Variants in TEX15 observed in about 807,000 individuals in gnomAD.
The protein encoded by TEX15 is testis-expressed protein 15.
TEX15 carries 171 observed loss-of-function variants against 237.3 expected under a neutral mutation model. The ratio of observed to expected loss-of-function variants is 0.72; its 90% CI spans 0.64 to 0.82. TEX15 has a LOEUF of 0.82. Ranked by LOEUF, TEX15 falls within the 40% of genes least tolerant of loss-of-function variation. The pLI, the probability that TEX15 is intolerant of heterozygous loss-of-function variation, is 0.00. For missense variants in TEX15, 3,750 were observed against 3,646.5 expected (o/e 1.03, Z -0.73); for synonymous variants, 1,338 against 1,269.8 (o/e 1.05, Z -1.14).
At chr8:30,907,066 G>C (rs1223150210) in intron 1 of TEX15, among the ~76,000 whole-genome samples, 2 of 152,090 alleles carry the variant, frequency 1.3e-5, no homozygotes, top group African/African-American at 4.8e-5. Flanking sequence ...TAAACTCAAA[G>C]AGTTTATAGA....
chr8:30,908,426 T>C (rs1240692572), intron 1 of TEX15, among the ~76,000 whole-genome samples: 1 of 152,240 alleles, frequency 6.6e-6, no homozygotes, highest in Non-Finnish European at 1.5e-5. Context: ...TTTTCATCTA[T>C]GTATATCGAG....
At chr8:30,860,695 C>T (rs1808030024) in intron 5 of TEX15, among the ~76,000 whole-genome samples, 2 of 151,228 alleles carry the variant, frequency 1.3e-5, no homozygotes, top group Admixed American at 1.3e-4. Flanking sequence ...TCCTGAATGG[C>T]TGGGATTACA....
At chr8:30,888,467 C>G (rs765883787) in intron 2 of TEX15, among the ~76,000 whole-genome samples, 8 of 151,972 alleles carry the variant, frequency 5.3e-5, no homozygotes, top group Non-Finnish European at 1.2e-4. Context: ...AATATTCCTC[C>G]CCTTCCTTTT....
At chr8:30,860,095 T>C in intron 5 of TEX15, 38 bp from the exon 6 acceptor site, 1 of 1,408,326 alleles carries the variant, frequency 7.1e-7, no homozygotes, top group Non-Finnish European at 9.3e-7. Flanking sequence ...TACGTAAAAA[T>C]ATACCAAAAC....
At chr8:30,900,626 T>C (rs375077352) in intron 1 of TEX15, among the ~76,000 whole-genome samples, 7 of 152,190 alleles carry the variant, frequency 4.6e-5, no homozygotes, top group Middle Eastern at 3.2e-3. Flanking sequence ...ATGTTACCAA[T>C]TGTCTTAATT....
At chr8:30,863,983 C>T (rs1808104699) in intron 5 of TEX15, among the ~76,000 whole-genome samples, 1 of 151,622 alleles carries the variant, frequency 6.6e-6, no homozygotes, top group Admixed American at 6.6e-5. Flanking sequence ...GAAATTGTCC[C>T]TGAAAAAGAC....
chr8:30,892,192 T>C (rs1585312257), intron 2 of TEX15, among the ~76,000 whole-genome samples: 1 of 152,226 alleles, frequency 6.6e-6, no homozygotes. Context: ...TGGTAAAAAA[T>C]AAAGGTTTGA....
At chr8:30,880,844 A>G (rs1273558304) in intron 3 of TEX15, among the ~76,000 whole-genome samples, 3 of 152,060 alleles carry the variant, frequency 2.0e-5, no homozygotes, top group African/African-American at 7.2e-5. Context: ...GTTGTTTATA[A>G]GTCAAATGAA....
rs1187073997 is a variant in TEX15, at chr8:30,842,003, C to G, written c.8163+1G>C. On this transcript the variant is annotated splice_donor_variant, in intron 8 of 10. Coordinates refer to ENST00000643185, the MANE Select transcript of TEX15 (RefSeq NM_001350162.2). LOFTEE classifies it high-confidence loss of function. Reference sequence around the variant, plus strand: ...AAAGTTTTGTTTTAAAACATACATACCTTTAGCTTTTTACAACTGGAAACA... The same window carrying G: ...AAAGTTTTGTTTTAAAACATACATAGCTTTAGCTTTTTACAACTGGAAACA... The G allele has an allele frequency of 6.4e-7, 1 of 1,569,326 alleles. No homozygotes were observed. The highest frequency in any genetic ancestry group is 8.6e-7 in the Non-Finnish European group (1 of 1,162,350).
chr8:30,883,993 C>T (rs927661972), intron 3 of TEX15, among the ~76,000 whole-genome samples: 1 of 152,108 alleles, frequency 6.6e-6, no homozygotes, highest in African/African-American at 2.4e-5. Flanking sequence ...TCAAGCGTTC[C>T]TCCCACCTCA....
rs757325394 is a variant in TEX15 at position 30,846,458 on chromosome 8, T to C, written c.3709A>G (p.Ile1237Val). 1.2e-6 allele frequency: 2 copies of C among 1,613,228 alleles called. No homozygotes were observed. Among genetic ancestry groups the C allele is most frequent in the South Asian group, 2.2e-5 (2 of 91,060 alleles). The change falls in exon 8 of 11, where the codon ATC becomes GTC. Residue 1237 changes from isoleucine to valine, a missense_variant. Coordinates refer to ENST00000643185, the MANE Select transcript of TEX15 (RefSeq NM_001350162.2). Reference protein sequence around the residue: ...QESGPVSNSEISLSFDLSRNT... With the variant: ...QESGPVSNSEVSLSFDLSRNT... ...CGACTCAAGTCAAAAGAAAGGGAGA[T>C]TTCAGAGTTACTCACTGGCCCTGAT...
Position 30,848,061 on chromosome 8 carries a change from A to C in TEX15, c.2106T>G (p.Asp702Glu). The C allele has an allele frequency of 6.2e-7, 1 of 1,613,634 alleles. No homozygotes were observed. The highest frequency in any genetic ancestry group is 8.5e-7 in the Non-Finnish European group (1 of 1,179,888). ...KSSTSTIKDK[D>E]ELDHLALEWQ... ...ATTCCAATGCTAGATGATCTAGTTC[A>C]TCCTTATCCTTTATGGTAGATGTAG... The change falls in exon 8 of 11, where the codon GAT becomes GAG. Residue 702 changes from aspartate (D) to glutamate (E), a missense_variant. Physicochemically the swap from Asp to Glu is conservative, Grantham distance 45 (BLOSUM62 2). Transcript: ENST00000643185.
At position 30,832,918 on chromosome 8, in the gene TEX15, T is replaced by C. The variant is rs767945102; in HGVS notation, c.*368A>G. 1.9e-5 allele frequency: 3 copies of C among 157,398 alleles called. No homozygotes were observed. Among genetic ancestry groups the C allele is most frequent in the Non-Finnish European group, 4.2e-5 (3 of 71,640 alleles). The allele number at this position is 157,398 out of a possible 1,614,324, so 9.8% of individuals were successfully genotyped here. On this transcript the variant is annotated 3_prime_UTR_variant, in exon 11 of 11. Transcript: ENST00000643185. ...TAATAAAGTGTCAAGAATTATAAAA[T>C]TCTTGGTTTGATGACTAATGAAAAA... is the stretch of plus-strand genomic sequence containing the variant.
chr8:30,859,923 G>C lies in TEX15; in HGVS notation c.675C>G (p.Ala225=), dbSNP rs961122515. Residue 225 remains alanine (A), a synonymous_variant, in exon 6 of 11, where the codon GCC becomes GCG. Transcript: ENST00000643185. ...ACCATTAACATACTGCTGAACTGTA[G>C]GCTTGCAGTTCAATGGTATCTTTCA... is the stretch of plus-strand genomic sequence containing the variant. ...PSLKDTIELQ[A]YSSAVYFYEY... The C allele has an allele frequency of 2.7e-6, 4 of 1,491,766 alleles. No individual in the cohort carries two copies. In the Admixed American group the frequency reaches 7.3e-5, roughly 27 times the overall value. The allele number at this position is 1,491,766 out of a possible 1,614,324, so 92.4% of individuals were successfully genotyped here.
chr8:30,872,351 C>T (rs1276277855), intron 4 of TEX15, among the ~76,000 whole-genome samples: 1 of 152,118 alleles, frequency 6.6e-6, no homozygotes, highest in Non-Finnish European at 1.5e-5. Flanking sequence ...CATAATGCAT[C>T]ACTTTCATGT....
intron 2 of TEX15, among the ~76,000 whole-genome samples, chr8:30,890,856 C>T (rs1267940986): frequency 6.6e-6 from 1 of 152,084 alleles, no homozygotes; most frequent in African/African-American, 2.4e-5. Flanking sequence ...TTATCAGTGA[C>T]ATTGAGCTAT....
intron 2 of TEX15, among the ~76,000 whole-genome samples, chr8:30,889,954 C>CATATATAT: frequency 9.1e-6 from 1 of 110,088 alleles, no homozygotes; most frequent in African/African-American, 4.5e-5. Context: ...TATATATATA[C>CATATATAT]ATATATATAT....
chr8:30,852,500 A>G (rs574126705), intron 7 of TEX15, among the ~76,000 whole-genome samples: 1 of 152,248 alleles, frequency 6.6e-6, no homozygotes, highest in Non-Finnish European at 1.5e-5. Flanking sequence ...CTTAATCTCT[A>G]TATTATGCTA....
chr8:30,892,142 C>A (rs995921637), intron 2 of TEX15, among the ~76,000 whole-genome samples: 1 of 152,112 alleles, frequency 6.6e-6, no homozygotes, highest in Admixed American at 6.5e-5. Context: ...TGCCTTTTAC[C>A]TTTAAGTCTT....
Sources: gnomAD v4.1 joint callset for allele counts (sites outside exome capture counted in the v4.1 genomes callset) on GRCh38, gnomAD v4.1.1 for gene constraint, MANE v1.5 for transcripts, NCBI Gene and HGNC (gene_info 2026-07-23, HGNC 2026-07-21) for gene names.